Variants in AK5 observed in about 807,000 individuals in gnomAD.
AK5 encodes the protein adenylate kinase 5.
Under a neutral mutation model 69.5 loss-of-function variants are expected in AK5, and 27 were observed. The ratio of observed to expected loss-of-function variants is 0.39; its 90% confidence interval spans 0.29 to 0.54. The LOEUF (loss-of-function observed/expected upper bound fraction) is 0.54. Among genes scored for constraint, AK5 ranks in the 20% least tolerant of loss-of-function variants. AK5 has a pLI of 0.71. For missense variants in AK5, 531 were observed against 700.4 expected, an observed-to-expected ratio of 0.76 and a Z score of 2.73; for synonymous variants, 260 against 244.4, an observed-to-expected ratio of 1.06 and a Z score of -0.60.
chr1:77,487,858 C>T (rs1465765679), intron 10 of AK5, among the ~76,000 whole-genome samples: 1 of 152,162 alleles, frequency 6.6e-6, no homozygotes, highest in Non-Finnish European at 1.5e-5. Flanking sequence ...TGTTGGACCC[C>T]TGCTGGGCAG....
intron 13 of AK5, among the ~76,000 whole-genome samples, chr1:77,541,212 C>T (rs1485840825): frequency 6.6e-6 from 1 of 152,084 alleles, no homozygotes; most frequent in African/African-American, 2.4e-5. Context: ...CAGCCAGGAG[C>T]CTAGGAGTTC....
At chr1:77,490,136 A>G (rs1043492240) in intron 10 of AK5, among the ~76,000 whole-genome samples, 1 of 152,082 alleles carries the variant, frequency 6.6e-6, no homozygotes, top group Non-Finnish European at 1.5e-5. Flanking sequence ...AACAACCAAA[A>G]TTGCAATTGG....
intron 10 of AK5, among the ~76,000 whole-genome samples, chr1:77,515,233 A>G (rs554175321): frequency 4.6e-5 from 7 of 152,184 alleles, no homozygotes; most frequent in Non-Finnish European, 8.8e-5. Flanking sequence ...GAGCAGCTGT[A>G]TAGATGAGCA....
rs187254724 is a variant in AK5 at position 77,502,222 on chromosome 1, C to A, written c.1147+15870C>A. The stretch of plus-strand genomic sequence containing the variant: ...ATAGCAGTGGTATGACATGCTATGG[C>A]CTCAGAGACTCAGGTTCCCTATATT... On this transcript the variant is annotated intron_variant, in intron 10 of 13. Transcript: ENST00000354567. Among the ~76,000 whole-genome samples the A allele has an allele frequency of 2.6e-5, 4 of 152,266 alleles. No individual in the cohort carries two copies. The East Asian group carries it at 7.7e-4, about 29-fold the overall frequency.
intron 8 of AK5, among the ~76,000 whole-genome samples, chr1:77,466,080 G>C (rs560347740): frequency 6.6e-6 from 1 of 152,120 alleles, no homozygotes; most frequent in Non-Finnish European, 1.5e-5. Context: ...ACCATGGCCC[G>C]TGAGGCTCTG....
At chr1:77,311,476 A>G (rs1659959574) in intron 5 of AK5, among the ~76,000 whole-genome samples, 1 of 152,146 alleles carries the variant, frequency 6.6e-6, no homozygotes, top group African/African-American at 2.4e-5. Context: ...GCCTTTCAAG[A>G]ATGAGAATAA....
intron 5 of AK5, among the ~76,000 whole-genome samples, chr1:77,315,322 A>G (rs971127505): frequency 6.6e-6 from 1 of 152,022 alleles, no homozygotes; most frequent in Non-Finnish European, 1.5e-5. Flanking sequence ...TTTTTTGGTC[A>G]TGCATACTAC....
chr1:77,354,303 G>A (rs1390156438), intron 6 of AK5, among the ~76,000 whole-genome samples: 1 of 151,986 alleles, frequency 6.6e-6, no homozygotes, highest in Non-Finnish European at 1.5e-5. Flanking sequence ...TTTCTTTTTA[G>A]GCAATTATTC....
At chr1:77,425,928 G>A (rs1031380811) in intron 8 of AK5, among the ~76,000 whole-genome samples, 1 of 152,136 alleles carries the variant, frequency 6.6e-6, no homozygotes, top group Non-Finnish European at 1.5e-5. Flanking sequence ...AGTTGCAAAT[G>A]TTTATTGCAA....
At chr1:77,391,709 G>A (rs1283457887) in intron 6 of AK5, among the ~76,000 whole-genome samples, 1 of 151,726 alleles carries the variant, frequency 6.6e-6, no homozygotes, top group Non-Finnish European at 1.5e-5. Flanking sequence ...ACACTGCTTG[G>A]ATTATTTTCA....
chr1:77,401,085 C>T (rs1476761984), intron 6 of AK5, among the ~76,000 whole-genome samples: 3 of 152,154 alleles, frequency 2.0e-5, no homozygotes, highest in African/African-American at 7.2e-5. Flanking sequence ...AGGTGTTTCT[C>T]TTTCAAATTT....
intron 7 of AK5, among the ~76,000 whole-genome samples, chr1:77,416,295 T>C (rs1454850746): frequency 2.0e-5 from 3 of 152,178 alleles, no homozygotes; most frequent in Non-Finnish European, 4.4e-5. Context: ...TGGGTAGTCT[T>C]GCCAACTCCA....
chr1:77,545,263 T>G (rs1312759162), intron 13 of AK5, among the ~76,000 whole-genome samples: 1 of 152,098 alleles, frequency 6.6e-6, no homozygotes, highest in Non-Finnish European at 1.5e-5. Context: ...CTTTTCTTCT[T>G]TCCTCCAGCC....
At chr1:77,334,871 A>G (rs1661270358) in intron 5 of AK5, among the ~76,000 whole-genome samples, 1 of 152,082 alleles carries the variant, frequency 6.6e-6, no homozygotes, top group Non-Finnish European at 1.5e-5. Flanking sequence ...GGCCCCATAT[A>G]TCACTTTTTG....
intron 8 of AK5, among the ~76,000 whole-genome samples, chr1:77,421,703 C>T (rs1650826537): frequency 6.6e-6 from 1 of 152,180 alleles, no homozygotes. Context: ...AAAGCTTCTG[C>T]TCCTAACCAC....
At chr1:77,466,963 T>A (rs1654180733) in intron 8 of AK5, among the ~76,000 whole-genome samples, 1 of 152,086 alleles carries the variant, frequency 6.6e-6, no homozygotes, top group African/African-American at 2.4e-5. Context: ...GTAGCAGAAA[T>A]GAAAATATTT....
chr1:77,367,795 G>A (rs12737543), intron 6 of AK5, among the ~76,000 whole-genome samples: 787 of 2,048 alleles, frequency 0.38, 159 homozygotes, highest in Admixed American at 0.45. Context: ...TGTTATATAT[G>A]TTATATATAA....
At chr1:77,436,508 ATTTG>A (rs904184151) in intron 8 of AK5, among the ~76,000 whole-genome samples, 1 of 151,680 alleles carries the variant, frequency 6.6e-6, no homozygotes, top group Admixed American at 6.6e-5. Flanking sequence ...ACCCAAATAT[ATTTG>A]TTTTTCTATA....
At chr1:77,368,265 A>ATATATATTATATATAATATATATGT (rs1647049186) in intron 6 of AK5, among the ~76,000 whole-genome samples, 2 of 96,954 alleles carry the variant, frequency 2.1e-5, no homozygotes, top group Non-Finnish European at 2.1e-5. Flanking sequence ...TATATATGTT[A>ATATATATTATATATAATATATATGT]TATATATGTT....
Sources: gnomAD v4.1 joint callset for allele counts (sites outside exome capture counted in the v4.1 genomes callset) on GRCh38, gnomAD v4.1.1 for gene constraint, MANE v1.5 for transcripts, NCBI Gene and HGNC (gene_info 2026-07-23, HGNC 2026-07-21) for gene names.